The following ATP8A2 variants were observed in gnomAD, a reference collection of about 807,000 sequenced individuals.
ATP8A2 encodes the protein ATPase phospholipid transporting 8A2.
In ATP8A2, 100 loss-of-function variants were observed where a neutral mutation model predicts 165.6. That is an observed-to-expected ratio of 0.60 (90% CI 0.51 to 0.71). ATP8A2 has a LOEUF of 0.71. Ranked by LOEUF, ATP8A2 falls within the 30% of genes least tolerant of loss-of-function variation. ATP8A2 has a pLI of 0.00. For synonymous variants in ATP8A2, 543 were observed against 548.8 expected (o/e 0.99, Z 0.15); for missense variants, 1,227 against 1,479.5 (o/e 0.83, Z 2.80).
intron 27 of ATP8A2, among the ~76,000 whole-genome samples, chr13:25,795,571 G>T (rs977070871): frequency 6.6e-6 from 1 of 152,164 alleles, no homozygotes; most frequent in African/African-American, 2.4e-5. Flanking sequence ...GAGAAGAGTT[G>T]CTATTTCATG....
intron 33 of ATP8A2, among the ~76,000 whole-genome samples, chr13:25,919,113 T>A (rs1246828902): frequency 2.0e-5 from 3 of 152,228 alleles, no homozygotes; most frequent in African/African-American, 7.2e-5. Context: ...TGTAAAGGAA[T>A]GTATATTTTT....
At chr13:26,001,661 T>G (rs886376834) in intron 35 of ATP8A2, among the ~76,000 whole-genome samples, 2 of 152,228 alleles carry the variant, frequency 1.3e-5, no homozygotes, top group Non-Finnish European at 2.9e-5. Context: ...TTGGCTATTG[T>G]GTATTTTCTT....
intron 35 of ATP8A2, among the ~76,000 whole-genome samples, chr13:25,989,836 C>T (rs999354764): frequency 5.3e-5 from 8 of 152,194 alleles, no homozygotes; most frequent in African/African-American, 1.9e-4. Flanking sequence ...TGAACTTTGG[C>T]TAAAGTCATG....
chr13:25,683,262 T>C (rs1472235233), intron 24 of ATP8A2, among the ~76,000 whole-genome samples: 2 of 152,180 alleles, frequency 1.3e-5, no homozygotes, highest in African/African-American at 4.8e-5. Flanking sequence ...CAAGGTGAGG[T>C]TGTGGTTGAG....
In ATP8A2 at chr13:25,953,584, T is replaced by C. The variant is rs1177035999; in HGVS notation, c.3184-7991T>C. 5.0e-5 allele frequency among the ~76,000 whole-genome samples: 7 copies of C among 140,510 alleles called. No homozygotes were observed. Among genetic ancestry groups the C allele is most frequent in the African/African-American group, 1.1e-4 (4 of 37,186 alleles). The allele number at this position is 140,510 out of a possible 152,430, so 92.2% of individuals were successfully genotyped here. Reference sequence around the variant, plus strand: ...GGCAAGACGGCCAAATAGGAACAGCTCCAGTCTGTAGCTCCCAGGGAGATC... The same window carrying C: ...GGCAAGACGGCCAAATAGGAACAGCCCCAGTCTGTAGCTCCCAGGGAGATC... On this transcript the variant is annotated intron_variant, in intron 33 of 36. Coordinates refer to ENST00000381655, the MANE Select transcript of ATP8A2 (RefSeq NM_016529.6). The surrounding 1 kb of genome is among the most constrained non-coding windows in gnomAD (Gnocchi z 6.7).
At chr13:25,458,458 T>G (rs1035737332) in intron 1 of ATP8A2, among the ~76,000 whole-genome samples, 1 of 152,198 alleles carries the variant, frequency 6.6e-6, no homozygotes, top group African/African-American at 2.4e-5. Context: ...CAAGCAATCC[T>G]CCCGCCTCAG....
intron 2 of ATP8A2, among the ~76,000 whole-genome samples, chr13:25,506,034 C>T (rs543771836): frequency 6.0e-4 from 91 of 152,270 alleles, no homozygotes; most frequent in African/African-American, 2.0e-3. Flanking sequence ...TCTGTGTTCC[C>T]GACCAGGCTT....
At chr13:25,596,201 C>G (rs1443886604) in intron 24 of ATP8A2, among the ~76,000 whole-genome samples, 1 of 152,138 alleles carries the variant, frequency 6.6e-6, no homozygotes, top group Non-Finnish European at 1.5e-5. Flanking sequence ...TATTTCTGCT[C>G]TAATGGTATA....
intron 33 of ATP8A2, among the ~76,000 whole-genome samples, chr13:25,900,056 T>G (rs1953688719): frequency 1.3e-5 from 2 of 152,002 alleles, no homozygotes; most frequent in South Asian, 4.2e-4. Context: ...GATCATACAT[T>G]TGGAAGAGCT....
At position 25,470,945 on chromosome 13, in the gene ATP8A2, C is replaced by G. The variant is rs923684093; in HGVS notation, c.221+1824C>G. On this transcript the variant is annotated intron_variant, in intron 2 of 36. Coordinates refer to ENST00000381655, the MANE Select transcript of ATP8A2 (RefSeq NM_016529.6). ...AGAGTTATGAGGTAAATTAGTGGTT[C>G]CTGGGGCTGGGGAAGAGAGAAAAGG... Among the ~76,000 whole-genome samples the G allele has an allele frequency of 5.9e-5, 9 of 152,028 alleles. No individual in the cohort carries two copies. In the East Asian group the frequency reaches 9.7e-4, roughly 16 times the overall value.
chr13:25,752,510 A>G (rs1254084097), intron 25 of ATP8A2, among the ~76,000 whole-genome samples: 1 of 152,258 alleles, frequency 6.6e-6, no homozygotes, highest in Non-Finnish European at 1.5e-5. Context: ...ACAAGGTCAT[A>G]GGCACAGTCA....
intron 33 of ATP8A2, among the ~76,000 whole-genome samples, chr13:25,862,912 T>A (rs1593467113): frequency 1.3e-5 from 2 of 152,352 alleles, no homozygotes; most frequent in East Asian, 3.9e-4. Context: ...CTAGAGAGGC[T>A]GAGATTGAAG....
At position 25,986,898 on chromosome 13, in the gene ATP8A2, C is replaced by T. The variant is rs191543285; in HGVS notation, c.3377+18219C>T. Among the ~76,000 whole-genome samples the T allele has an allele frequency of 2.4e-4, 37 of 152,280 alleles. 1 individual carries two copies. The highest frequency in any genetic ancestry group is 2.4e-3 in the Admixed American group (36 of 15,298). On this transcript the variant is annotated intron_variant, in intron 35 of 36. Coordinates refer to ENST00000381655, the MANE Select transcript of ATP8A2 (RefSeq NM_016529.6). ...TTGCTTCCCAGAGGCAGAAGTGCAC[C>T]TTATTCCTAGATTTCAGCACTCTCT... is the stretch of plus-strand genomic sequence containing the variant.
At chr13:25,937,366 T>C (rs9634426) in intron 33 of ATP8A2, among the ~76,000 whole-genome samples, 113 of 4,620 alleles carry the variant, frequency 0.024, 2 homozygotes, top group South Asian at 0.047. Flanking sequence ...TTCTTTCTTT[T>C]TTTTTTTTTT....
chr13:25,730,260 C>A (rs2043591093), intron 25 of ATP8A2, among the ~76,000 whole-genome samples: 1 of 152,112 alleles, frequency 6.6e-6, no homozygotes, highest in Admixed American at 6.5e-5. Context: ...CCACTGCACT[C>A]CCGCCTGAGT....
intron 25 of ATP8A2, among the ~76,000 whole-genome samples, chr13:25,720,961 CTTTTT>C (rs57485267): frequency 7.7e-6 from 1 of 129,770 alleles, no homozygotes; most frequent in Non-Finnish European, 1.6e-5. Flanking sequence ...GGAGCTTTAG[CTTTTT>C]TTTTTTTTTT....
At chr13:25,484,202 A>T (rs192682399) in intron 2 of ATP8A2, among the ~76,000 whole-genome samples, 11 of 152,354 alleles carry the variant, frequency 7.2e-5, no homozygotes, top group Non-Finnish European at 1.6e-4. Flanking sequence ...ATATAAATTC[A>T]CATTAAATTC....
chr13:25,737,770 C>T (rs1184481291), intron 25 of ATP8A2, among the ~76,000 whole-genome samples: 3 of 152,226 alleles, frequency 2.0e-5, no homozygotes, highest in Non-Finnish European at 2.9e-5. Flanking sequence ...GCAAGCTCCA[C>T]CTCCCAGGTT....
At chr13:25,773,110 A>G (rs1288861113) in intron 26 of ATP8A2, among the ~76,000 whole-genome samples, 4 of 152,156 alleles carry the variant, frequency 2.6e-5, no homozygotes, top group Non-Finnish European at 5.9e-5. Flanking sequence ...AGAAGTATAT[A>G]ACTGCAAAAG....
Sources: gnomAD v4.1 joint callset for allele counts (sites outside exome capture counted in the v4.1 genomes callset) on GRCh38, gnomAD v4.1.1 for gene constraint, Gnocchi (gnomAD v3.1) non-coding constraint, MANE v1.5 for transcripts, NCBI Gene and HGNC (gene_info 2026-07-23, HGNC 2026-07-21) for gene names.